ZFPM2: variants seen among roughly 807,000 people sequenced by gnomAD.
ZFPM2 encodes the protein zinc finger protein ZFPM2.
A neutral mutation model predicts 98.6 loss-of-function variants in ZFPM2; 20 were observed. The observed-to-expected ratio is 0.20, with a 90% CI of 0.14 to 0.29. The LOEUF (loss-of-function observed/expected upper bound fraction) is 0.29. Among genes scored for constraint, ZFPM2 ranks in the 10% least tolerant of loss-of-function variants. The pLI is 1.00. For missense variants in ZFPM2, 1,310 were observed against 1,388.6 expected (o/e 0.94, Z 0.90); for synonymous variants, 518 against 502.7 (o/e 1.03, Z -0.41).
intron 1 of ZFPM2, among the ~76,000 whole-genome samples, chr8:105,410,331 C>A (rs992235935): frequency 6.6e-6 from 1 of 151,784 alleles, no homozygotes; most frequent in African/African-American, 2.4e-5. Context: ...TTTTAAGGAC[C>A]ACTCTTAATT....
In ZFPM2 at chr8:105,739,327, C is replaced by T. The variant is rs143488585; in HGVS notation, c.533-49391C>T. Among the ~76,000 whole-genome samples the T allele has an allele frequency of 9.9e-5, 15 of 152,094 alleles. No homozygotes were observed. The East Asian group carries it at 1.7e-3, about 18-fold the overall frequency. On this transcript the variant is annotated intron_variant, in intron 5 of 7. Transcript: ENST00000407775. ...CAAACAGCTCAGTCACAGATTATAACGAGTAAATTAAGTGTAGTTGTAATC... is the reference window on the plus strand; with the variant it reads ...CAAACAGCTCAGTCACAGATTATAATGAGTAAATTAAGTGTAGTTGTAATC...
rs188938319 is a variant in ZFPM2, at chr8:105,345,841, T to C, written c.40+26860T>C. 1.4e-4 allele frequency among the ~76,000 whole-genome samples: 22 copies of C among 152,266 alleles called. No homozygotes were observed. In the East Asian group the frequency reaches 4.1e-3, roughly 28 times the overall value. ...TCTCAAATAGGATTTTGTGATTCCA[T>C]TTTTTTCCTAGAATGTACCATTATA... On this transcript the variant is annotated intron_variant, in intron 1 of 7. Transcript: ENST00000407775.
chr8:105,681,836 T>A (rs1810611904), intron 5 of ZFPM2, among the ~76,000 whole-genome samples: 2 of 152,000 alleles, frequency 1.3e-5, no homozygotes, highest in African/African-American at 4.8e-5. Flanking sequence ...GCTTTGTGTC[T>A]TTTTTTTCAA....
At chr8:105,558,122 T>C (rs1414973138) in intron 3 of ZFPM2, among the ~76,000 whole-genome samples, 1 of 152,112 alleles carries the variant, frequency 6.6e-6, no homozygotes, top group Non-Finnish European at 1.5e-5. Flanking sequence ...CACCTATTAA[T>C]TTTTGGAAAA....
At chr8:105,731,270 C>T (rs1811930687) in intron 5 of ZFPM2, among the ~76,000 whole-genome samples, 1 of 151,388 alleles carries the variant, frequency 6.6e-6, no homozygotes, top group Admixed American at 6.6e-5. Flanking sequence ...CCTTTTTCCA[C>T]TCCATGCCAA....
chr8:105,321,717 C>T (rs910252936), intron 1 of ZFPM2, among the ~76,000 whole-genome samples: 34 of 152,060 alleles, frequency 2.2e-4, no homozygotes, highest in African/African-American at 7.0e-4. Flanking sequence ...GATAAAAAGG[C>T]GACGCTGAAA....
intron 1 of ZFPM2, among the ~76,000 whole-genome samples, chr8:105,363,411 C>T (rs1367164346): frequency 6.6e-6 from 1 of 152,000 alleles, no homozygotes; most frequent in East Asian, 1.9e-4. Flanking sequence ...TGTAACATGT[C>T]CTTTGTAAGC....
At chr8:105,792,052 C>G (rs547935212) in intron 6 of ZFPM2, among the ~76,000 whole-genome samples, 13 of 152,190 alleles carry the variant, frequency 8.5e-5, no homozygotes, top group African/African-American at 3.1e-4. Flanking sequence ...TTCCTGGATT[C>G]ATTAATTTTT....
chr8:105,595,398 C>T (rs1388326336), intron 4 of ZFPM2, among the ~76,000 whole-genome samples: 1 of 152,074 alleles, frequency 6.6e-6, no homozygotes, highest in Non-Finnish European at 1.5e-5. Flanking sequence ...GGACCAGATG[C>T]TGGCCATCCA....
At chr8:105,633,338 T>C (rs1816786337) in intron 4 of ZFPM2, among the ~76,000 whole-genome samples, 1 of 152,162 alleles carries the variant, frequency 6.6e-6, no homozygotes, top group Non-Finnish European at 1.5e-5. Context: ...ATGTTTGATA[T>C]ACAGAACATG....
At chr8:105,523,549 T>C (rs1586434636) in intron 3 of ZFPM2, among the ~76,000 whole-genome samples, 1 of 152,306 alleles carries the variant, frequency 6.6e-6, no homozygotes, top group Non-Finnish European at 1.5e-5. Flanking sequence ...TATGCCTTTT[T>C]AGACATCAAG....
intron 6 of ZFPM2, among the ~76,000 whole-genome samples, chr8:105,794,790 C>T (rs1161068316): frequency 4.6e-5 from 7 of 152,278 alleles, no homozygotes; most frequent in Non-Finnish European, 8.8e-5. Flanking sequence ...CAATGGCTGG[C>T]GCCCCTCCCC....
In ZFPM2 at chr8:105,784,635, T is replaced by A. The variant is rs972595539; in HGVS notation, c.533-4083T>A. ...TTCTTAAGCTTTCACATATATTAGC[T>A]CATTTAATCCTCATAATAACATCAT... is the stretch of plus-strand genomic sequence containing the variant. On this transcript the variant is annotated intron_variant, in intron 5 of 7. Transcript: ENST00000407775. Among the ~76,000 whole-genome samples, 71 of 145,852 alleles carry A rather than the reference T, an allele frequency of 4.9e-4. 13 individuals carry two copies. Among genetic ancestry groups the A allele is most frequent in the African/African-American group, 1.9e-3 (68 of 35,414 alleles).
chr8:105,481,154 G>A (rs1403013431), intron 3 of ZFPM2, among the ~76,000 whole-genome samples: 1 of 152,032 alleles, frequency 6.6e-6, no homozygotes, highest in Non-Finnish European at 1.5e-5. Flanking sequence ...TAGTGGGAGA[G>A]CCTGTCACAT....
At chr8:105,477,276 A>C (rs1813032058) in intron 3 of ZFPM2, among the ~76,000 whole-genome samples, 1 of 133,696 alleles carries the variant, frequency 7.5e-6, no homozygotes, top group South Asian at 2.3e-4. Context: ...ACGAAGTCTA[A>C]CTCTATCACC....
intron 4 of ZFPM2, among the ~76,000 whole-genome samples, chr8:105,599,391 T>TAAAAAAA (rs71577982): frequency 0.013 from 1,751 of 137,260 alleles, 24 homozygotes; most frequent in Admixed American, 0.027. Context: ...TTTTCGTCTT[T>TAAAAAAA]AAAAAAAAAA....
chr8:105,490,565 T>C (rs1813337489), intron 3 of ZFPM2, among the ~76,000 whole-genome samples: 1 of 152,218 alleles, frequency 6.6e-6, no homozygotes, highest in African/African-American at 2.4e-5. Context: ...CACATATGTG[T>C]ATTTGGTTAT....
chr8:105,691,826 G>A (rs1212862227), intron 5 of ZFPM2, among the ~76,000 whole-genome samples: 1 of 152,156 alleles, frequency 6.6e-6, no homozygotes, highest in South Asian at 2.1e-4. Flanking sequence ...GTGATTGACG[G>A]AAAAACTATG....
chr8:105,669,698 C>T (rs1355715884), intron 5 of ZFPM2, among the ~76,000 whole-genome samples: 3 of 151,966 alleles, frequency 2.0e-5, no homozygotes, highest in African/African-American at 4.8e-5. Context: ...ATCCTTCAGG[C>T]AATATTTACA....
Sources: gnomAD v4.1 joint callset for allele counts (sites outside exome capture counted in the v4.1 genomes callset) on GRCh38, gnomAD v4.1.1 for gene constraint, MANE v1.5 for transcripts, NCBI Gene and HGNC (gene_info 2026-07-23, HGNC 2026-07-21) for gene names.